GRID2: variants seen among roughly 807,000 people sequenced by gnomAD.
GRID2 encodes glutamate receptor ionotropic, delta-2.
Under a neutral mutation model 114.8 loss-of-function variants are expected in GRID2, and 33 were observed. That is an observed-to-expected ratio of 0.29 (90% CI 0.22 to 0.38). GRID2 has a LOEUF of 0.38. Among genes scored for constraint, GRID2 ranks in the 10% least tolerant of loss-of-function variants. GRID2 has a pLI of 1.00. For synonymous variants in GRID2, 505 were observed against 449.9 expected (o/e 1.12, Z -1.55); for missense variants, 1,184 against 1,257.7 (o/e 0.94, Z 0.89).
At chr4:92,794,905 T>TATATATATACACACAC (rs745392261) in intron 2 of GRID2, among the ~76,000 whole-genome samples, 322 of 127,724 alleles carry the variant, frequency 2.5e-3, no homozygotes, top group Middle Eastern at 4.2e-3. Flanking sequence ...TATATATATA[T>TATATATATACACACAC]ACACACACAC....
chr4:93,087,482 C>A (rs775999897), intron 3 of GRID2, among the ~76,000 whole-genome samples: 1 of 151,818 alleles, frequency 6.6e-6, no homozygotes, highest in East Asian at 1.9e-4. Context: ...ATTTTTATTA[C>A]GGGTGAGATA....
intron 1 of GRID2, among the ~76,000 whole-genome samples, chr4:92,355,966 C>G (rs1420666153): frequency 6.6e-6 from 1 of 151,638 alleles, no homozygotes; most frequent in Non-Finnish European, 1.5e-5. Flanking sequence ...GAAAAAAACA[C>G]TGGTTATAAT....
chr4:93,735,645 C>T (rs1057475858), intron 14 of GRID2, among the ~76,000 whole-genome samples: 3 of 151,984 alleles, frequency 2.0e-5, no homozygotes, highest in Non-Finnish European at 4.4e-5. Flanking sequence ...ATGATAGGTT[C>T]CCTTAGAAAA....
intron 8 of GRID2, among the ~76,000 whole-genome samples, chr4:93,349,202 A>C (rs923282459): frequency 2.6e-5 from 4 of 152,106 alleles, no homozygotes; most frequent in African/African-American, 9.7e-5. Flanking sequence ...ATATATTATC[A>C]TTTTCACATG....
intron 11 of GRID2, among the ~76,000 whole-genome samples, chr4:93,471,759 G>A (rs1486513615): frequency 2.4e-5 from 2 of 82,094 alleles, no homozygotes; most frequent in Non-Finnish European, 4.8e-5. Context: ...GGAGTGCAAT[G>A]GCGTGATCTC....
chr4:92,621,638 CA>C (rs1270844982), intron 2 of GRID2, among the ~76,000 whole-genome samples: 2 of 151,290 alleles, frequency 1.3e-5, no homozygotes, highest in Non-Finnish European at 3.0e-5. Flanking sequence ...TAGCGCAGGG[CA>C]AAAAGCGAGA....
At chr4:93,530,365 T>A (rs868637560) in intron 13 of GRID2, among the ~76,000 whole-genome samples, 3 of 152,186 alleles carry the variant, frequency 2.0e-5, no homozygotes, top group Admixed American at 2.0e-4. Flanking sequence ...ATTCATTACT[T>A]AAATAACGCC....
chr4:92,916,791 G>A (rs1469616420), intron 2 of GRID2, among the ~76,000 whole-genome samples: 1 of 152,102 alleles, frequency 6.6e-6, no homozygotes, highest in Admixed American at 6.6e-5. Flanking sequence ...TCCAAGTTTT[G>A]CTGTTGTGAA....
chr4:93,803,139 A>G (rs566671832), intron 1 of GRID2, among the ~76,000 whole-genome samples: 1 of 152,334 alleles, frequency 6.6e-6, no homozygotes, highest in African/African-American at 2.4e-5. Flanking sequence ...ATTCATTTAC[A>G]GGGTTTTCCT....
intron 1 of GRID2, among the ~76,000 whole-genome samples, chr4:92,568,212 C>CA: frequency 6.6e-6 from 1 of 151,958 alleles, no homozygotes; most frequent in East Asian, 1.9e-4. Context: ...GCAGGAGCAA[C>CA]AAAAAGACTT....
At chr4:92,400,183 C>A (rs1195979452) in intron 1 of GRID2, among the ~76,000 whole-genome samples, 1 of 152,096 alleles carries the variant, frequency 6.6e-6, no homozygotes, top group Non-Finnish European at 1.5e-5. Flanking sequence ...AATTGTGCAA[C>A]TACCACAGCT....
At chr4:93,357,092 A>G (rs1272679222) in intron 8 of GRID2, among the ~76,000 whole-genome samples, 1 of 151,580 alleles carries the variant, frequency 6.6e-6, no homozygotes, top group Admixed American at 6.6e-5. Flanking sequence ...ATGATATTTA[A>G]GTCTGAAGGT....
At chr4:92,453,741 G>A (rs144243578) in intron 1 of GRID2, among the ~76,000 whole-genome samples, 1,622 of 152,090 alleles carry the variant, frequency 0.011, 19 homozygotes, top group Non-Finnish European at 0.016. Flanking sequence ...AAATTTTACG[G>A]CTTACCTTTT....
rs79403963 is a variant in GRID2 at position 93,319,139 on chromosome 4, C to A, written c.1246-76468C>A. The stretch of plus-strand genomic sequence containing the variant: ...TTACAGCACACTACTTAGTATCTCC[C>A]CAAAAGAACATGGGTACTTTCAGGA... On this transcript the variant is annotated intron_variant, in intron 8 of 15. Transcript: ENST00000282020. Among the ~76,000 whole-genome samples, 427 of 152,070 alleles carry A rather than the reference C, an allele frequency of 2.8e-3. 2 individuals carry two copies. Among genetic ancestry groups the A allele is most frequent in the African/African-American group, 9.9e-3 (411 of 41,496 alleles).
chr4:92,495,769 A>ATT (rs1723357955), intron 1 of GRID2, among the ~76,000 whole-genome samples: 1 of 151,908 alleles, frequency 6.6e-6, no homozygotes, highest in Non-Finnish European at 1.5e-5. Context: ...ATTCAAAGTA[A>ATT]TTGTGTAGGG....
At chr4:93,588,315 A>C (rs1189967833) in intron 13 of GRID2, among the ~76,000 whole-genome samples, 2 of 152,106 alleles carry the variant, frequency 1.3e-5, no homozygotes, top group Non-Finnish European at 2.9e-5. Context: ...TTGCAGTTGG[A>C]ATAATAGGTT....
At chr4:93,418,528 T>G (rs560971438) in intron 9 of GRID2, among the ~76,000 whole-genome samples, 1 of 152,188 alleles carries the variant, frequency 6.6e-6, no homozygotes, top group Admixed American at 6.5e-5. Context: ...AACATAATAT[T>G]TCCAATATGC....
At chr4:92,575,257 A>G (rs751015462) in intron 1 of GRID2, among the ~76,000 whole-genome samples, 1 of 152,182 alleles carries the variant, frequency 6.6e-6, no homozygotes, top group African/African-American at 2.4e-5. Flanking sequence ...GGGTTACAAC[A>G]TGCTCCTTTA....
At chr4:92,633,689 A>C (rs545586025) in intron 2 of GRID2, among the ~76,000 whole-genome samples, 3 of 152,254 alleles carry the variant, frequency 2.0e-5, no homozygotes, top group Middle Eastern at 6.8e-3. Context: ...GCTTGTGTCT[A>C]AATGTATTTA....
Sources: gnomAD v4.1 joint callset for allele counts (sites outside exome capture counted in the v4.1 genomes callset) on GRCh38, gnomAD v4.1.1 for gene constraint, MANE v1.5 for transcripts, NCBI Gene and HGNC (gene_info 2026-07-23, HGNC 2026-07-21) for gene names.